The following IQCM variants were observed in gnomAD, a reference collection of about 807,000 sequenced individuals.
IQCM encodes IQ domain-containing protein M.
IQCM carries 45 observed loss-of-function variants against 57.6 expected under a neutral mutation model. The observed-to-expected ratio is 0.78, with a 90% CI of 0.62 to 1.00. The LOEUF (loss-of-function observed/expected upper bound fraction) is 1.00. IQCM is among the 50% of genes least tolerant of loss of function. IQCM has a pLI of 0.00. For missense variants in IQCM, 468 were observed against 511.6 expected (o/e 0.91, Z 0.82); for synonymous variants, 148 against 158.9 (o/e 0.93, Z 0.51).
chr4:149,514,936 G>A (rs576329291), intron 12 of IQCM, among the ~76,000 whole-genome samples: 5 of 152,246 alleles, frequency 3.3e-5, no homozygotes, highest in East Asian at 1.9e-4. Flanking sequence ...CTTCCTGCCC[G>A]TGAACATCAG....
intron 2 of IQCM, among the ~76,000 whole-genome samples, chr4:149,809,098 T>C (rs1774329560): frequency 6.6e-6 from 1 of 152,074 alleles, no homozygotes; most frequent in Non-Finnish European, 1.5e-5. Context: ...AGTGTGGTCT[T>C]AGACAAGATT....
chr4:149,580,487 T>C (rs985753579), intron 9 of IQCM, among the ~76,000 whole-genome samples: 2 of 151,838 alleles, frequency 1.3e-5, no homozygotes, highest in Non-Finnish European at 2.9e-5. Flanking sequence ...TTTTCTTTAT[T>C]TTAATTTAAT....
intron 2 of IQCM, among the ~76,000 whole-genome samples, chr4:149,771,308 A>C (rs2149988083): frequency 6.6e-6 from 1 of 152,156 alleles, no homozygotes; most frequent in Admixed American, 6.5e-5. Flanking sequence ...GCCCCTGTCA[A>C]GCACAATGCC....
chr4:149,380,418 T>C (rs952279892), intron 13 of IQCM, among the ~76,000 whole-genome samples: 1 of 152,116 alleles, frequency 6.6e-6, no homozygotes, highest in Admixed American at 6.6e-5. Flanking sequence ...TATGGCAATA[T>C]GTGACATCAA....
At chr4:149,436,751 G>A (rs966061729) in intron 12 of IQCM, among the ~76,000 whole-genome samples, 5 of 151,892 alleles carry the variant, frequency 3.3e-5, no homozygotes, top group Non-Finnish European at 5.9e-5. Context: ...TTGCCATAAG[G>A]GATTTAGATG....
intron 12 of IQCM, among the ~76,000 whole-genome samples, chr4:149,519,550 G>A (rs1006311202): frequency 5.3e-5 from 8 of 152,020 alleles, no homozygotes; most frequent in African/African-American, 1.4e-4. Context: ...TGAATGGCAT[G>A]AACCCAGGAG....
chr4:149,543,256 G>A (rs1748034395), intron 12 of IQCM, among the ~76,000 whole-genome samples: 1 of 151,786 alleles, frequency 6.6e-6, no homozygotes, highest in African/African-American at 2.4e-5. Flanking sequence ...AAATAACACT[G>A]TAAAACTTAT....
chr4:149,787,099 A>T (rs1365327025), intron 2 of IQCM, among the ~76,000 whole-genome samples: 5 of 152,266 alleles, frequency 3.3e-5, no homozygotes, highest in Admixed American at 2.0e-4. Context: ...AACACCGCAT[A>T]TTCTCACTCA....
intron 8 of IQCM, among the ~76,000 whole-genome samples, chr4:149,594,300 G>A (rs1298283791): frequency 1.3e-5 from 2 of 152,118 alleles, no homozygotes; most frequent in African/African-American, 2.4e-5. Flanking sequence ...GATCAGTGGT[G>A]ATATCTCCTT....
At chr4:149,701,293 A>G (rs1035878652) in intron 5 of IQCM, among the ~76,000 whole-genome samples, 2 of 152,034 alleles carry the variant, frequency 1.3e-5, no homozygotes, top group Non-Finnish European at 2.9e-5. Flanking sequence ...GGGGAAAACA[A>G]AAACATTCAT....
At chr4:149,389,781 G>A (rs1341856109) in intron 13 of IQCM, among the ~76,000 whole-genome samples, 4 of 151,516 alleles carry the variant, frequency 2.6e-5, no homozygotes, top group Admixed American at 6.6e-5. Context: ...TGGGTGCAGC[G>A]CACCAGCATG....
At chr4:149,449,816 C>T (rs1354750432) in intron 12 of IQCM, among the ~76,000 whole-genome samples, 1 of 151,670 alleles carries the variant, frequency 6.6e-6, no homozygotes, top group Non-Finnish European at 1.5e-5. Context: ...CAATCCCTAT[C>T]AAAATACCAA....
At chr4:149,431,018 T>C (rs1031269300) in intron 13 of IQCM, among the ~76,000 whole-genome samples, 2 of 151,768 alleles carry the variant, frequency 1.3e-5, no homozygotes, top group African/African-American at 4.8e-5. Context: ...CTGGCCAACA[T>C]GGTAAAACCC....
At position 149,742,737 on chromosome 4, in the gene IQCM, G is replaced by T; in HGVS notation, c.-46C>A. ...TTCTTTTTTAAAGTGTGAGCTCCAA[G>T]TCCTTAAACACAGTTACATTAAGTA... On this transcript the variant is annotated splice_region_variant and 5_prime_UTR_variant, in exon 3 of 14. Transcript: ENST00000636793. The T allele has an allele frequency of 8.6e-7, 1 of 1,159,912 alleles. No homozygotes were observed. Among genetic ancestry groups the T allele is most frequent in the South Asian group, 4.4e-5 (1 of 22,824 alleles). 71.9% of individuals were successfully genotyped at this position (1,159,912 alleles called of 1,614,324 possible).
At chr4:149,683,040 A>G (rs1175398528) in intron 6 of IQCM, among the ~76,000 whole-genome samples, 2 of 151,256 alleles carry the variant, frequency 1.3e-5, no homozygotes, top group African/African-American at 4.8e-5. Context: ...ATTTTGCACT[A>G]ATATATCACA....
chr4:149,423,931 T>C (rs559485340), intron 13 of IQCM, among the ~76,000 whole-genome samples: 9 of 151,974 alleles, frequency 5.9e-5, no homozygotes, highest in Non-Finnish European at 1.0e-4. Flanking sequence ...TACAGCCATA[T>C]GTTATGGCAA....
At chr4:149,369,974 C>A (rs1340468066) in intron 13 of IQCM, among the ~76,000 whole-genome samples, 1 of 152,174 alleles carries the variant, frequency 6.6e-6, no homozygotes, top group African/African-American at 2.4e-5. Context: ...CGGCTCACTG[C>A]AGCCTCAGTC....
chr4:149,671,140 A>C (rs1369229457), intron 7 of IQCM, among the ~76,000 whole-genome samples: 1 of 152,046 alleles, frequency 6.6e-6, no homozygotes, highest in Non-Finnish European at 1.5e-5. Context: ...TTGGTAGGCT[A>C]TTATTGCCTC....
chr4:149,767,342 C>A (rs553948259), intron 2 of IQCM, among the ~76,000 whole-genome samples: 1 of 152,112 alleles, frequency 6.6e-6, no homozygotes, highest in Non-Finnish European at 1.5e-5. Context: ...TTGATACACA[C>A]AAGTTTTGTG....
Sources: allele counts gnomAD v4.1 joint callset (sites outside exome capture counted in the v4.1 genomes callset), GRCh38; gene constraint gnomAD v4.1.1; transcripts MANE v1.5; gene names NCBI Gene and HGNC (gene_info 2026-07-23, HGNC 2026-07-21).